The following FRMD4A variants were observed in gnomAD, a reference collection of about 807,000 sequenced individuals.
FRMD4A encodes the protein FERM domain-containing protein 4A.
FRMD4A carries 29 observed loss-of-function variants against 129.1 expected under a neutral mutation model. The ratio of observed to expected loss-of-function variants is 0.22; its 90% CI spans 0.17 to 0.31. The LOEUF (loss-of-function observed/expected upper bound fraction) is 0.31, where lower values mean the gene tolerates loss of function less well. Among genes scored for constraint, FRMD4A ranks in the 10% least tolerant of loss-of-function variants. The probability of loss-of-function intolerance (pLI) is 1.00; values close to 1 mark genes in which losing one functional copy is unlikely to be tolerated. For synonymous variants in FRMD4A, 634 were observed against 571.6 expected, an observed-to-expected ratio of 1.11 and a Z score of -1.56; for missense variants, 1,272 against 1,375.8, an observed-to-expected ratio of 0.92 and a Z score of 1.19.
intron 2 of FRMD4A, among the ~76,000 whole-genome samples, chr10:14,127,985 T>C (rs1838980276): frequency 1.7e-5 from 2 of 114,676 alleles, no homozygotes; most frequent in Admixed American, 1.8e-4. Context: ...TTTCCTTCTC[T>C]CTCTCTCTCT....
intron 13 of FRMD4A, among the ~76,000 whole-genome samples, chr10:13,705,227 T>C (rs910372019): frequency 6.6e-6 from 1 of 152,174 alleles, no homozygotes; most frequent in African/African-American, 2.4e-5. Flanking sequence ...CACTGCTGTC[T>C]AATAGGCGAC....
chr10:14,038,707 T>C (rs1247746592), intron 2 of FRMD4A, among the ~76,000 whole-genome samples: 1 of 152,214 alleles, frequency 6.6e-6, no homozygotes, highest in Non-Finnish European at 1.5e-5. Flanking sequence ...ATTTCCATTG[T>C]GTACGAAGAT....
chr10:13,838,640 G>T (rs2130965324), intron 3 of FRMD4A, among the ~76,000 whole-genome samples: 1 of 152,224 alleles, frequency 6.6e-6, no homozygotes, highest in African/African-American at 2.4e-5. Context: ...TTACAGGCAT[G>T]TGCCACCACG....
At chr10:13,708,763 A>T (rs59763753) in intron 12 of FRMD4A, among the ~76,000 whole-genome samples, 179 of 152,318 alleles carry the variant, frequency 1.2e-3, no homozygotes, top group African/African-American at 4.1e-3. Flanking sequence ...AAATCCTTCC[A>T]TTAAAACACC....
intron 2 of FRMD4A, among the ~76,000 whole-genome samples, chr10:14,123,766 A>G (rs900624923): frequency 8.5e-5 from 13 of 152,176 alleles, no homozygotes; most frequent in Admixed American, 7.2e-4. Context: ...TTCAAGTTCA[A>G]ATATCCATCA....
intron 2 of FRMD4A, among the ~76,000 whole-genome samples, chr10:14,190,383 T>C (rs984234804): frequency 1.3e-5 from 2 of 152,182 alleles, no homozygotes; most frequent in African/African-American, 4.8e-5. Flanking sequence ...TTTTTGTTCA[T>C]TTTTTAGAGT....
At chr10:13,888,054 C>A (rs897908757) in intron 2 of FRMD4A, among the ~76,000 whole-genome samples, 1 of 152,154 alleles carries the variant, frequency 6.6e-6, no homozygotes, top group Non-Finnish European at 1.5e-5. Flanking sequence ...TGTGTGCAAT[C>A]GTGACTCCAA....
Position 13,693,779 on chromosome 10 carries a change from C to G in FRMD4A, c.1117+119G>C. 2.7e-6 allele frequency: 3 copies of G among 1,100,594 alleles called. No homozygotes were observed. The South Asian group carries it at 4.0e-5, about 15-fold the overall frequency. The allele number at this position is 1,100,594 out of a possible 1,614,324, so 68.2% of individuals were successfully genotyped here. A position where few individuals can be genotyped will look rare whatever the true frequency, so the allele number is the denominator to read the frequency against. On this transcript the variant is annotated intron_variant, in intron 15 of 24. Transcript: ENST00000357447. Reference sequence around the variant, plus strand: ...CCCAACCTTGGTCTGGAAAGCAAAGCCAGCTTTGGAGCAGCTTGCCCTGCA... The same window carrying G: ...CCCAACCTTGGTCTGGAAAGCAAAGGCAGCTTTGGAGCAGCTTGCCCTGCA...
Position 13,666,110 on chromosome 10 carries a change from C to A in FRMD4A, c.1590G>T (p.Ser530=). ...GTTGGCACTGACCGTCTATGATCAG[C>A]GAAGCCCTCTGGGTGGGTTTCTTCC... ...KSGKKPTQRA[S]LIIDDGNIAS... is the part of the protein sequence containing the mutation. Residue 530 remains serine (S), a synonymous_variant, in exon 18 of 25, where the codon TCG becomes TCT. Coordinates refer to ENST00000357447, the MANE Select transcript of FRMD4A (RefSeq NM_018027.5). 1 of 1,603,164 alleles carries A rather than the reference C, an allele frequency of 6.2e-7. No homozygotes were observed. The highest frequency in any genetic ancestry group is 8.5e-7 in the Non-Finnish European group (1 of 1,170,014).
chr10:13,712,342 TG>T (rs1462860990), intron 12 of FRMD4A, among the ~76,000 whole-genome samples: 1 of 152,098 alleles, frequency 6.6e-6, no homozygotes, highest in African/African-American at 2.4e-5. Context: ...GTCAACATGG[TG>T]AAATCCTATC....
chr10:13,929,759 T>C (rs2095172791), intron 2 of FRMD4A, among the ~76,000 whole-genome samples: 4 of 152,250 alleles, frequency 2.6e-5, no homozygotes, highest in Middle Eastern at 3.4e-3. Flanking sequence ...TAGGCTGTAG[T>C]GGTAGAGATG....
intron 2 of FRMD4A, among the ~76,000 whole-genome samples, chr10:14,297,174 G>A (rs1846037607): frequency 6.6e-6 from 1 of 150,592 alleles, no homozygotes; most frequent in Middle Eastern, 3.5e-3. Context: ...AGAAGATATA[G>A]AAGAAGAACA....
chr10:13,749,059 G>A (rs950781378), intron 8 of FRMD4A, among the ~76,000 whole-genome samples: 2 of 152,078 alleles, frequency 1.3e-5, no homozygotes, highest in Non-Finnish European at 2.9e-5. Context: ...CCTCTGGGCC[G>A]GACCATCTGT....
At chr10:14,234,565 T>C (rs1843738851) in intron 2 of FRMD4A, among the ~76,000 whole-genome samples, 1 of 152,206 alleles carries the variant, frequency 6.6e-6, no homozygotes, top group Non-Finnish European at 1.5e-5. Flanking sequence ...AGGGCTGGAA[T>C]TCGGCATTCT....
chr10:14,259,143 A>G (rs1844715489), intron 2 of FRMD4A, among the ~76,000 whole-genome samples: 1 of 152,208 alleles, frequency 6.6e-6, no homozygotes, highest in South Asian at 2.1e-4. Flanking sequence ...TGTTCAGTTT[A>G]CTATACATTA....
chr10:14,320,132 T>G (rs569634421), intron 2 of FRMD4A, among the ~76,000 whole-genome samples: 2 of 151,922 alleles, frequency 1.3e-5, no homozygotes, highest in East Asian at 3.9e-4. Flanking sequence ...AAACTGGCCC[T>G]CTCCCTCCAA....
intron 2 of FRMD4A, among the ~76,000 whole-genome samples, chr10:14,316,040 C>G (rs1387271608): frequency 6.6e-6 from 1 of 152,244 alleles, no homozygotes. Context: ...GCCTATGCAG[C>G]AACCACATCC....
At chr10:14,092,562 C>T (rs1327080550) in intron 2 of FRMD4A, among the ~76,000 whole-genome samples, 3 of 152,250 alleles carry the variant, frequency 2.0e-5, no homozygotes, top group Admixed American at 6.5e-5. Flanking sequence ...GTGCCCAGCT[C>T]GGAGTCTAGC....
chr10:14,328,572 C>CT (rs1189107496), intron 2 of FRMD4A, among the ~76,000 whole-genome samples: 3 of 150,844 alleles, frequency 2.0e-5, no homozygotes, highest in African/African-American at 7.3e-5. Flanking sequence ...TCTATATTAA[C>CT]ACGATGCAGG....
Sources: allele counts gnomAD v4.1 joint callset (sites outside exome capture counted in the v4.1 genomes callset), GRCh38; gene constraint gnomAD v4.1.1; transcripts MANE v1.5; gene names NCBI Gene and HGNC (gene_info 2026-07-23, HGNC 2026-07-21).